The following ADAMTS14 variants were observed in gnomAD, a reference collection of about 807,000 sequenced individuals.
The protein encoded by ADAMTS14 is ADAM metallopeptidase with thrombospondin type 1 motif 14.
A neutral mutation model predicts 128.6 loss-of-function variants in ADAMTS14; 100 were observed. That is an observed-to-expected ratio of 0.78 (90% CI 0.66 to 0.92). The LOEUF (loss-of-function observed/expected upper bound fraction) is 0.92. ADAMTS14 is among the 40% of genes least tolerant of loss of function. The probability of loss-of-function intolerance (pLI) is 0.00; values close to 1 mark genes in which losing one functional copy is unlikely to be tolerated. For missense variants in ADAMTS14, 1,562 were observed against 1,658.6 expected (o/e 0.94, Z 1.01); for synonymous variants, 665 against 653.8 (o/e 1.02, Z -0.26).
chr10:70,676,036 CTCTGTCT>C (rs1839637065), intron 2 of ADAMTS14, among the ~76,000 whole-genome samples: 1 of 152,164 alleles, frequency 6.6e-6, no homozygotes, highest in Non-Finnish European at 1.5e-5. Context: ...TCGTGGCTGC[CTCTGTCT>C]AGGCCAGTGC....
Position 70,760,515 on chromosome 10 carries a change from C to A in ADAMTS14, c.3334C>A (p.Pro1112Thr). The change falls in exon 22 of 22, where the codon CCC (proline) becomes ACC (threonine). Residue 1112 changes from proline to threonine, a missense_variant. Physicochemically the swap from Pro to Thr is conservative, Grantham distance 38. Coordinates refer to ENST00000373207, the MANE Select transcript of ADAMTS14 (RefSeq NM_080722.4). ...CCCAGACCCTGGCCCAACCTCACTGCCCCCCTTCTCCACTCCTGGAAGCCC... is the reference window on the plus strand; with the variant it reads ...CCCAGACCCTGGCCCAACCTCACTGACCCCCTTCTCCACTCCTGGAAGCCC... ...PGPDPGPTSL[P>T]PFSTPGSPLP... 6.2e-7 allele frequency: 1 copy of A among 1,613,720 alleles called. No homozygotes were observed. Among genetic ancestry groups the A allele is most frequent in the African/African-American group, 1.3e-5 (1 of 75,036 alleles).
Position 70,702,472 on chromosome 10 carries a change from G to A in ADAMTS14, c.679+4G>A, listed in dbSNP as rs1415676562. 2 of 1,600,040 alleles carry A rather than the reference G, an allele frequency of 1.2e-6. No individual in the cohort carries two copies. The highest frequency in any genetic ancestry group is 4.5e-5 in the East Asian group (2 of 44,812). On this transcript the variant is annotated splice_donor_region_variant and intron_variant, in intron 3 of 21. Transcript: ENST00000373207. ...GACGGGGACCTGCACAATGAAGGTA[G>A]GCTGTAGGTAGGGGCCTGTGTGCTG...
In ADAMTS14 at chr10:70,729,327, G is replaced by A. The variant is rs140471498; in HGVS notation, c.904G>A (p.Val302Ile). 39 of 1,613,840 alleles carry A rather than the reference G, an allele frequency of 2.4e-5. No individual in the cohort carries two copies. The highest frequency in any genetic ancestry group is 5.3e-5 in the African/African-American group (4 of 74,868). ...GATTTACCACGATGAGTCCCTGGGG[G>A]TTCATATAAATATTGCCCTCGTCCG... ...DEIYHDESLG[V>I]HINIALVRLI... The change falls in exon 5 of 22, where the codon GTT becomes ATT. Residue 302 changes from valine (V) to isoleucine (I), a missense_variant. Transcript: ENST00000373207.
chr10:70,682,151 C>T (rs1160468970), intron 2 of ADAMTS14, among the ~76,000 whole-genome samples: 1 of 152,026 alleles, frequency 6.6e-6, no homozygotes, highest in African/African-American at 2.4e-5. Flanking sequence ...AGTCTGGGCC[C>T]CTGGGTTGGA....
At chr10:70,719,671 G>A (rs1589296041) in intron 4 of ADAMTS14, among the ~76,000 whole-genome samples, 1 of 152,150 alleles carries the variant, frequency 6.6e-6, no homozygotes, top group Non-Finnish European at 1.5e-5. Flanking sequence ...GCCTCCCAAA[G>A]TGCTGGTATT....
At chr10:70,747,287 T>G (rs1371253605) in intron 15 of ADAMTS14, among the ~76,000 whole-genome samples, 2 of 152,254 alleles carry the variant, frequency 1.3e-5, no homozygotes, top group East Asian at 3.9e-4. Flanking sequence ...TGGGGGCCTC[T>G]GTATGCCCTG....
chr10:70,676,473 G>T (rs886868152), intron 2 of ADAMTS14, among the ~76,000 whole-genome samples: 4 of 152,230 alleles, frequency 2.6e-5, no homozygotes, highest in African/African-American at 9.7e-5. Context: ...CTACATGGTA[G>T]TTGGTTCTCA....
chr10:70,675,434 C>T (rs1275877083), intron 2 of ADAMTS14, among the ~76,000 whole-genome samples: 2 of 152,156 alleles, frequency 1.3e-5, no homozygotes, highest in South Asian at 2.1e-4. Context: ...GGAGCTGACC[C>T]GCGAGTGTTA....
intron 4 of ADAMTS14, among the ~76,000 whole-genome samples, chr10:70,722,732 G>A (rs1841310178): frequency 6.6e-6 from 1 of 152,194 alleles, no homozygotes; most frequent in South Asian, 2.1e-4. Context: ...CACCAAAGCT[G>A]TGACAATTTG....
chr10:70,736,480 C>A (rs1841830178), intron 9 of ADAMTS14, among the ~76,000 whole-genome samples, 200 bp from the exon 10 acceptor site: 2 of 152,078 alleles, frequency 1.3e-5, no homozygotes, highest in African/African-American at 4.8e-5. Context: ...TTTCTCAGTG[C>A]CATGGAGAAA....
intron 16 of ADAMTS14, 59 bp from the exon 17 acceptor site, chr10:70,751,419 A>C: frequency 6.5e-7 from 1 of 1,538,016 alleles, no homozygotes; most frequent in East Asian, 2.3e-5. Flanking sequence ...CTCCCCTCCC[A>C]GTGCATGCCG....
intron 2 of ADAMTS14, among the ~76,000 whole-genome samples, chr10:70,677,211 A>G (rs1839670092): frequency 6.6e-6 from 1 of 152,166 alleles, no homozygotes; most frequent in South Asian, 2.1e-4. Context: ...TGTAGCATAT[A>G]TGGTGACAAG....
At chr10:70,733,492 C>T (rs145408002) in intron 7 of ADAMTS14, among the ~76,000 whole-genome samples, 10 of 152,266 alleles carry the variant, frequency 6.6e-5, no homozygotes, top group East Asian at 1.9e-4. Flanking sequence ...GGGAAGCCAG[C>T]GAATGGCTAT....
chr10:70,743,929 G>A (rs1842087820), intron 13 of ADAMTS14, 137 bp from the exon 14 acceptor site: 17 of 1,289,922 alleles, frequency 1.3e-5, no homozygotes, highest in South Asian at 3.1e-5. Flanking sequence ...CGGTGAATTC[G>A]TGCCAGAATC....
At chr10:70,692,458 C>T (rs541411693) in intron 2 of ADAMTS14, among the ~76,000 whole-genome samples, 70 of 152,306 alleles carry the variant, frequency 4.6e-4, no homozygotes, top group Non-Finnish European at 8.4e-4. Context: ...TTTCCCTCCC[C>T]AGCGAAGCCT....
At chr10:70,746,840 G>T (rs775276962) in intron 15 of ADAMTS14, among the ~76,000 whole-genome samples, 1 of 152,074 alleles carries the variant, frequency 6.6e-6, no homozygotes, top group East Asian at 1.9e-4. Flanking sequence ...GCAGGGTCCC[G>T]GTGGCAAGTG....
intron 4 of ADAMTS14, among the ~76,000 whole-genome samples, chr10:70,716,160 C>T (rs74918797): frequency 5.3e-5 from 8 of 152,224 alleles, no homozygotes; most frequent in Non-Finnish European, 1.0e-4. Flanking sequence ...TCCCCACAAT[C>T]TGCCAGAAAG....
rs139428893 is a variant in ADAMTS14, at chr10:70,706,381, A to T, written c.680-2207A>T. Among the ~76,000 whole-genome samples, 82 of 152,316 alleles carry T rather than the reference A, an allele frequency of 5.4e-4. 1 individual carries two copies. In the East Asian group the frequency reaches 5.8e-3, roughly 11 times the overall value. On this transcript the variant is annotated intron_variant, in intron 3 of 21. Coordinates refer to ENST00000373207, the MANE Select transcript of ADAMTS14 (RefSeq NM_080722.4). ...CTGGCAGGGAGGGCTCTGAGGGGTCAAGTGTGGCATTCCACTCGCAGGGCT... is the reference window on the plus strand; with the variant it reads ...CTGGCAGGGAGGGCTCTGAGGGGTCTAGTGTGGCATTCCACTCGCAGGGCT...
intron 9 of ADAMTS14, among the ~76,000 whole-genome samples, chr10:70,736,091 G>C (rs1219578566): frequency 1.3e-5 from 2 of 152,244 alleles, no homozygotes; most frequent in African/African-American, 2.4e-5. Context: ...AAGGACATGG[G>C]ATTTCAGGGT....
Sources: gnomAD v4.1 joint callset for allele counts (sites outside exome capture counted in the v4.1 genomes callset) on GRCh38, gnomAD v4.1.1 for gene constraint, MANE v1.5 for transcripts, NCBI Gene and HGNC (gene_info 2026-07-23, HGNC 2026-07-21) for gene names.